The following NKAIN2 variants were observed in gnomAD, a reference collection of about 807,000 sequenced individuals.
NKAIN2 encodes sodium/potassium transporting ATPase interacting 2.
Under a neutral mutation model 32.6 loss-of-function variants are expected in NKAIN2, and 14 were observed. That is an observed-to-expected ratio of 0.43 (90% CI 0.28 to 0.67). The LOEUF is 0.67. NKAIN2 is among the 30% of genes least tolerant of loss of function. The probability of loss-of-function intolerance (pLI) is 0.17; values close to 1 mark genes in which losing one functional copy is unlikely to be tolerated. For synonymous variants in NKAIN2, 80 were observed against 87.2 expected (o/e 0.92, Z 0.46); for missense variants, 198 against 258.3 (o/e 0.77, Z 1.60).
chr6:123,827,193 T>C (rs1228259033), intron 1 of NKAIN2, among the ~76,000 whole-genome samples: 5 of 152,160 alleles, frequency 3.3e-5, no homozygotes, highest in Admixed American at 1.3e-4. Flanking sequence ...CAACTTTTTG[T>C]TGTTCTTGCT....
At chr6:123,994,261 G>A (rs1303614794) in intron 1 of NKAIN2, among the ~76,000 whole-genome samples, 1 of 151,708 alleles carries the variant, frequency 6.6e-6, no homozygotes, top group African/African-American at 2.4e-5. Context: ...CTTACTCTGG[G>A]GACCTTGAAC....
chr6:124,553,355 T>A (rs1780359872), intron 3 of NKAIN2, among the ~76,000 whole-genome samples: 1 of 152,234 alleles, frequency 6.6e-6, no homozygotes, highest in Admixed American at 6.5e-5. Flanking sequence ...TTGCTCAGGC[T>A]GGAGTGCAAT....
At chr6:124,772,616 A>G (rs530139064) in intron 4 of NKAIN2, among the ~76,000 whole-genome samples, 1 of 152,140 alleles carries the variant, frequency 6.6e-6, no homozygotes, top group African/African-American at 2.4e-5. Flanking sequence ...TGGCTTCCCC[A>G]CCTCCTCGTA....
intron 1 of NKAIN2, among the ~76,000 whole-genome samples, chr6:123,891,651 TA>T (rs774333472): frequency 1.2e-4 from 18 of 152,200 alleles, no homozygotes; most frequent in Non-Finnish European, 1.9e-4. Context: ...GCCATTCTTT[TA>T]AAACAAAATG....
chr6:124,138,809 T>C (rs1786976496), intron 1 of NKAIN2, among the ~76,000 whole-genome samples: 1 of 150,192 alleles, frequency 6.7e-6, no homozygotes, highest in Non-Finnish European at 1.5e-5. Context: ...AGACCATTAA[T>C]CTAAGTAACT....
intron 3 of NKAIN2, among the ~76,000 whole-genome samples, chr6:124,556,665 C>G (rs1361908975): frequency 6.6e-6 from 1 of 152,112 alleles, no homozygotes; most frequent in Non-Finnish European, 1.5e-5. Flanking sequence ...GCTAAAGCAG[C>G]AGAAAACAGA....
chr6:124,731,480 A>G (rs1366885043), intron 4 of NKAIN2, among the ~76,000 whole-genome samples: 4 of 140,714 alleles, frequency 2.8e-5, no homozygotes, highest in African/African-American at 1.1e-4. Context: ...AACACCGCAT[A>G]TTCTCACTCA....
At chr6:124,097,126 C>A (rs545424089) in intron 1 of NKAIN2, among the ~76,000 whole-genome samples, 11 of 151,992 alleles carry the variant, frequency 7.2e-5, no homozygotes, top group African/African-American at 2.7e-4. Context: ...TTTTATTTTT[C>A]TTCTGAAATT....
intron 1 of NKAIN2, among the ~76,000 whole-genome samples, chr6:123,963,228 TC>T (rs2114616724): frequency 6.6e-6 from 1 of 152,298 alleles, no homozygotes; most frequent in East Asian, 1.9e-4. Context: ...AGCATTGTTT[TC>T]TAGGCAATTT....
chr6:124,634,108 A>T (rs1291594209), intron 3 of NKAIN2, among the ~76,000 whole-genome samples: 5 of 151,838 alleles, frequency 3.3e-5, no homozygotes, highest in Non-Finnish European at 5.9e-5. Context: ...AAAAAAAAAA[A>T]TTTCCTAGAA....
chr6:124,283,210 T>G, intron 2 of NKAIN2, 68 bp downstream of exon 2: 3 of 1,102,284 alleles, frequency 2.7e-6, no homozygotes, highest in Non-Finnish European at 4.1e-6. Context: ...TCCAAATGCC[T>G]TGAAAACTTA....
At chr6:124,526,168 A>G (rs964618445) in intron 3 of NKAIN2, among the ~76,000 whole-genome samples, 3 of 152,168 alleles carry the variant, frequency 2.0e-5, no homozygotes, top group Non-Finnish European at 4.4e-5. Flanking sequence ...AGCAATATGA[A>G]TGAGATCAAC....
chr6:124,228,715 A>G (rs528760937), intron 1 of NKAIN2, among the ~76,000 whole-genome samples: 6 of 152,024 alleles, frequency 3.9e-5, no homozygotes, highest in Non-Finnish European at 7.4e-5. Context: ...TCTCTTACCC[A>G]TTTCTCTGTG....
chr6:124,204,210 A>G (rs539850741), intron 1 of NKAIN2, among the ~76,000 whole-genome samples: 1 of 151,950 alleles, frequency 6.6e-6, no homozygotes, highest in African/African-American at 2.4e-5. Flanking sequence ...TAAATGAGAC[A>G]TAAGACTAAA....
At chr6:124,332,268 G>T (rs1287688408) in intron 2 of NKAIN2, among the ~76,000 whole-genome samples, 2 of 151,764 alleles carry the variant, frequency 1.3e-5, no homozygotes, top group Non-Finnish European at 2.9e-5. Context: ...GAGAGAAAGA[G>T]AAAGAGAGAG....
intron 1 of NKAIN2, among the ~76,000 whole-genome samples, chr6:124,032,552 A>G (rs866830804): frequency 6.6e-6 from 1 of 152,030 alleles, no homozygotes; most frequent in Admixed American, 6.6e-5. Context: ...CATTTTTACC[A>G]TTATTTGATA....
chr6:124,130,714 G>A (rs915597812), intron 1 of NKAIN2, among the ~76,000 whole-genome samples: 8 of 151,602 alleles, frequency 5.3e-5, no homozygotes, highest in South Asian at 2.1e-4. Context: ...AGTTTTTGAC[G>A]GAAGTAATCA....
chr6:124,515,536 A>G (rs1346689449), intron 3 of NKAIN2, among the ~76,000 whole-genome samples: 1 of 151,826 alleles, frequency 6.6e-6, no homozygotes, highest in Non-Finnish European at 1.5e-5. Context: ...ATGAGAACAC[A>G]CTCACCAGCT....
chr6:124,464,686 C>A (rs1338072510), intron 3 of NKAIN2, among the ~76,000 whole-genome samples: 2 of 151,912 alleles, frequency 1.3e-5, no homozygotes, highest in Non-Finnish European at 2.9e-5. Context: ...AGATGTGTGG[C>A]GTTATTTCTG....
Sources: gnomAD v4.1 joint callset for allele counts (sites outside exome capture counted in the v4.1 genomes callset) on GRCh38, gnomAD v4.1.1 for gene constraint, MANE v1.5 for transcripts, NCBI Gene and HGNC (gene_info 2026-07-23, HGNC 2026-07-21) for gene names.